Variants in EXOC2 observed in about 807,000 individuals in gnomAD.
EXOC2 encodes the protein exocyst complex component 2.
EXOC2 carries 70 observed loss-of-function variants against 131.8 expected under a neutral mutation model. The observed-to-expected ratio is 0.53, with a 90% CI of 0.44 to 0.65. The LOEUF (loss-of-function observed/expected upper bound fraction) is 0.65. Ranked by LOEUF, EXOC2 falls within the 30% of genes least tolerant of loss-of-function variation. EXOC2 has a pLI of 0.00. For missense variants in EXOC2, 923 were observed against 1,108.6 expected (o/e 0.83, Z 2.38); for synonymous variants, 411 against 398.4 (o/e 1.03, Z -0.38).
intron 6 of EXOC2, among the ~76,000 whole-genome samples, chr6:615,655 G>A (rs1054155695): frequency 4.0e-5 from 6 of 151,566 alleles, no homozygotes; most frequent in African/African-American, 1.5e-4. Flanking sequence ...AGGAGGCAGA[G>A]GTTGCAGTAA....
chr6:506,816 G>T lies in EXOC2; in HGVS notation c.2381-7116C>A, dbSNP rs1196618430. Among the ~76,000 whole-genome samples, 3 of 152,056 alleles carry T rather than the reference G, an allele frequency of 2.0e-5. No homozygotes were observed. The highest frequency in any genetic ancestry group is 7.2e-5 in the African/African-American group (3 of 41,384). ...ACCCAGCATATTCTCCAGCAACGAA[G>T]ATCTTGTTTTCATGCATCAAAATAG... On this transcript the variant is annotated intron_variant, in intron 23 of 27. Coordinates refer to ENST00000230449, the MANE Select transcript of EXOC2 (RefSeq NM_018303.6). This position sits in a 1 kb window ranked among gnomAD's most constrained non-coding sequence, Gnocchi z 4.4.
chr6:518,078 G>A (rs9392056), intron 23 of EXOC2, among the ~76,000 whole-genome samples: 73,285 of 152,070 alleles, frequency 0.48, 20,265 homozygotes, highest in South Asian at 0.71. Flanking sequence ...AAGCTTCTAC[G>A]AGAATTTGAA....
In EXOC2 at chr6:663,102, G is replaced by C. The variant is rs370217009; in HGVS notation, c.-43-25241C>G. On this transcript the variant is annotated intron_variant, in intron 1 of 27. Coordinates refer to ENST00000230449, the MANE Select transcript of EXOC2 (RefSeq NM_018303.6). ...AAGCCAAATGATCGCACTAAGAAAT[G>C]CAACAGGAGATATTACAACTGACAC... 1.6e-4 allele frequency among the ~76,000 whole-genome samples: 24 copies of C among 152,186 alleles called. No individual in the cohort carries two copies. The East Asian group carries it at 3.5e-3, about 22-fold the overall frequency.
At chr6:640,495 C>T (rs962340769) in intron 1 of EXOC2, among the ~76,000 whole-genome samples, 1 of 152,194 alleles carries the variant, frequency 6.6e-6, no homozygotes, top group Non-Finnish European at 1.5e-5. Context: ...TCCGCCACTG[C>T]CAAATTTCAT....
chr6:516,475 TATGTGC>T (rs776162980), intron 23 of EXOC2, among the ~76,000 whole-genome samples: 1 of 152,202 alleles, frequency 6.6e-6, no homozygotes, highest in Non-Finnish European at 1.5e-5. Flanking sequence ...GCTGTCATCA[TATGTGC>T]AGACACCAGA....
chr6:528,482 G>A (rs1561818674), intron 23 of EXOC2, among the ~76,000 whole-genome samples: 1 of 152,194 alleles, frequency 6.6e-6, no homozygotes, highest in Non-Finnish European at 1.5e-5. Context: ...GGTTCAGTTA[G>A]TAATCATGAA....
chr6:503,594 TA>T (rs1419031379), intron 23 of EXOC2, among the ~76,000 whole-genome samples: 2 of 152,158 alleles, frequency 1.3e-5, no homozygotes, highest in Admixed American at 6.5e-5. Context: ...AAACTAAACA[TA>T]AAAAAATTTA....
intron 1 of EXOC2, among the ~76,000 whole-genome samples, chr6:684,043 C>T (rs988068242): frequency 2.6e-5 from 4 of 152,254 alleles, no homozygotes; most frequent in Non-Finnish European, 5.9e-5. Context: ...CTCTCTCTCT[C>T]ATCCACCCTG....
chr6:626,581 T>C (rs1452106323), intron 4 of EXOC2, among the ~76,000 whole-genome samples: 1 of 151,548 alleles, frequency 6.6e-6, no homozygotes, highest in Non-Finnish European at 1.5e-5. Context: ...ACCACAGCAC[T>C]CACAAATTCT....
At chr6:570,884 G>A (rs967204103) in intron 13 of EXOC2, among the ~76,000 whole-genome samples, 2 of 152,202 alleles carry the variant, frequency 1.3e-5, no homozygotes, top group Non-Finnish European at 2.9e-5. Flanking sequence ...TAGGGACAGA[G>A]CAGACACAGA....
At chr6:546,324 C>A (rs1756853008) in intron 22 of EXOC2, among the ~76,000 whole-genome samples, 1 of 152,124 alleles carries the variant, frequency 6.6e-6, no homozygotes, top group Non-Finnish European at 1.5e-5. Context: ...TCAGACAGCA[C>A]CGAGTCCACC....
At chr6:494,171 T>C (rs888896829) in intron 25 of EXOC2, among the ~76,000 whole-genome samples, 1 of 152,174 alleles carries the variant, frequency 6.6e-6, no homozygotes, top group African/African-American at 2.4e-5. Context: ...TGGTGGCAAA[T>C]GGAAACACAG....
intron 11 of EXOC2, 74 bp from the exon 12 acceptor site, chr6:576,956 T>G: frequency 1.4e-6 from 2 of 1,407,860 alleles, no homozygotes; most frequent in Admixed American, 4.1e-5. Context: ...TTTAATGGTC[T>G]GCTTCTCTGA....
chr6:626,126 AAT>A (rs1386376099), intron 4 of EXOC2, among the ~76,000 whole-genome samples: 1 of 152,206 alleles, frequency 6.6e-6, no homozygotes, highest in Non-Finnish European at 1.5e-5. Flanking sequence ...GTAAAGCAGA[AAT>A]ATAGACTTTT....
Position 532,481 on chromosome 6 carries a change from G to C in EXOC2, c.2368C>G (p.Leu790Val). 1 of 1,597,068 alleles carries C rather than the reference G, an allele frequency of 6.3e-7. No individual in the cohort carries two copies. The highest frequency in any genetic ancestry group is 8.5e-7 in the Non-Finnish European group (1 of 1,174,460). The change falls in exon 23 of 28, where the codon CTG becomes GTG. Residue 790 changes from leucine to valine, a missense_variant. Physicochemically the swap from Leu to Val is conservative, Grantham distance 32. Coordinates refer to ENST00000230449, the MANE Select transcript of EXOC2 (RefSeq NM_018303.6). ...CTTTATTACTTACCTGTTGGAGGCA[G>C]GCAGTCCTTCCAATCAAAATATCCT... ...YAGYFDWKDC[L>V]PPTGVRNYLK...
chr6:690,301 T>C (rs1481648338), intron 1 of EXOC2, among the ~76,000 whole-genome samples: 1 of 151,664 alleles, frequency 6.6e-6, no homozygotes, highest in African/African-American at 2.4e-5. Context: ...GGCTGCAGTG[T>C]GTTGTGACTG....
intron 6 of EXOC2, 42 bp downstream of exon 6, chr6:617,669 A>G: frequency 1.3e-6 from 2 of 1,593,768 alleles, no homozygotes; most frequent in Non-Finnish European, 1.7e-6. Flanking sequence ...CCGGGTTTCC[A>G]TGGCGGAAGC....
intron 6 of EXOC2, among the ~76,000 whole-genome samples, chr6:612,924 C>G (rs1760789215): frequency 6.6e-6 from 1 of 152,144 alleles, no homozygotes; most frequent in South Asian, 2.1e-4. Context: ...AGAGATTATA[C>G]AGGTCACTAA....
At chr6:545,519 G>C (rs539355096) in intron 22 of EXOC2, among the ~76,000 whole-genome samples, 32 of 152,220 alleles carry the variant, frequency 2.1e-4, no homozygotes, top group African/African-American at 7.5e-4. Context: ...AGTTCTTCTA[G>C]AATATAAACA....
Sources: allele counts gnomAD v4.1 joint callset (sites outside exome capture counted in the v4.1 genomes callset), GRCh38; gene constraint gnomAD v4.1.1; non-coding constraint Gnocchi (gnomAD v3.1); transcripts MANE v1.5; gene names NCBI Gene and HGNC (gene_info 2026-07-23, HGNC 2026-07-21).